Variants in ANK2 observed in about 807,000 individuals in gnomAD.
ANK2 encodes ankyrin-2.
In ANK2, 83 loss-of-function variants were observed where a neutral mutation model predicts 360.5. That is an observed-to-expected ratio of 0.23 (90% CI 0.19 to 0.28). ANK2 has a LOEUF of 0.28. Among genes scored for constraint, ANK2 ranks in the 10% least tolerant of loss-of-function variants. ANK2 has a pLI of 1.00. For missense variants in ANK2, 4,201 were observed against 4,795.7 expected, an observed-to-expected ratio of 0.88 and a Z score of 3.66; for synonymous variants, 1,740 against 1,759.5, an observed-to-expected ratio of 0.99 and a Z score of 0.28.
rs559369261 is a variant in ANK2 at position 112,923,587 on chromosome 4, C to CA, written c.21+19079dup. On this transcript the variant is annotated intron_variant, in intron 2 of 30. Transcript: ENST00000503271. Reference sequence around the variant, plus strand: ...TTGCAAATATGAATTAGATATTAAGCAAAAAATTCATGACTGCTCTAAAAT... The same window carrying CA: ...TTGCAAATATGAATTAGATATTAAGCAAAAAAATTCATGACTGCTCTAAAAT... Among the ~76,000 whole-genome samples, 200 of 151,962 alleles carry CA rather than the reference C, an allele frequency of 1.3e-3. 1 individual carries two copies. The highest frequency in any genetic ancestry group is 1.5e-3 in the Non-Finnish European group (103 of 67,928).
chr4:113,186,418 A>G (rs1466307033), intron 2 of ANK2, among the ~76,000 whole-genome samples: 2 of 152,228 alleles, frequency 1.3e-5, no homozygotes, highest in Non-Finnish European at 2.9e-5. Flanking sequence ...CAAAGACCAA[A>G]GGTAGGTAAA....
At chr4:112,806,596 G>A in the ANK2 span, among the ~76,000 whole-genome samples, 18 of 152,270 alleles carry the variant, frequency 1.2e-4, no homozygotes, top group Admixed American at 7.8e-4. Context: ...TTGGGAGGCT[G>A]AGGCAGGAGG....
At chr4:113,072,493 T>A (rs2154341239) in intron 1 of ANK2, among the ~76,000 whole-genome samples, 1 of 152,306 alleles carries the variant, frequency 6.6e-6, no homozygotes, top group South Asian at 2.1e-4. Context: ...GCCGGACTGG[T>A]CTTTGTGATG....
intron 1 of ANK2, among the ~76,000 whole-genome samples, chr4:113,164,393 C>T (rs1395093811): frequency 2.6e-5 from 4 of 152,158 alleles, no homozygotes; most frequent in Non-Finnish European, 4.4e-5. Context: ...AAATAGTCTC[C>T]GTAGTTTAAG....
At chr4:113,177,490 G>A (rs2098262461) in intron 2 of ANK2, among the ~76,000 whole-genome samples, 1 of 152,036 alleles carries the variant, frequency 6.6e-6, no homozygotes, top group Admixed American at 6.5e-5. Flanking sequence ...AGTTCATTTA[G>A]GTAAACTTAT....
intron 1 of ANK2, among the ~76,000 whole-genome samples, chr4:113,112,437 G>A (rs2094391745): frequency 6.6e-6 from 1 of 152,164 alleles, no homozygotes; most frequent in Non-Finnish European, 1.5e-5. Context: ...GAGACAGAAT[G>A]TGTATGGAAA....
chr4:113,283,251 G>A (rs2063101556), intron 18 of ANK2, among the ~76,000 whole-genome samples: 1 of 152,164 alleles, frequency 6.6e-6, no homozygotes, highest in African/African-American at 2.4e-5. Flanking sequence ...TATGTATAGA[G>A]AGAGAAAGAA....
chr4:112,912,046 G>A (rs917581240), intron 2 of ANK2, among the ~76,000 whole-genome samples: 48 of 151,756 alleles, frequency 3.2e-4, no homozygotes, highest in Non-Finnish European at 5.6e-4. Flanking sequence ...ACGTGGTGGC[G>A]GGCGCCTGTA....
the ANK2 span, among the ~76,000 whole-genome samples, chr4:112,730,245 T>A: frequency 1.4e-4 from 15 of 107,202 alleles, no homozygotes; most frequent in Non-Finnish European, 2.5e-4. Context: ...AGAGTGAGAC[T>A]CTGTCTCAAA....
rs561562938 is a variant in ANK2, at chr4:112,910,233, C to T, written c.21+5719C>T. Among the ~76,000 whole-genome samples the T allele has an allele frequency of 1.0e-3, 155 of 152,304 alleles. 4 individuals are homozygous for T. In the South Asian group the frequency reaches 0.031, roughly 30 times the overall value. Reference sequence around the variant, plus strand: ...TCCTCAGCGTGAATCTGGCCCGCTTCATTTTGCTTTCCTCAGCTGGGGCTG... The same window carrying T: ...TCCTCAGCGTGAATCTGGCCCGCTTTATTTTGCTTTCCTCAGCTGGGGCTG... On this transcript the variant is annotated intron_variant, in intron 2 of 30. Coordinates refer to the ANK2 transcript ENST00000503271.
Position 113,214,105 on chromosome 4 carries a change from G to T in ANK2, c.384+14996G>T, listed in dbSNP as rs1369417974. 2.6e-5 allele frequency: 20 copies of T among 774,034 alleles called. No individual in the cohort carries two copies. In the African/African-American group the frequency reaches 3.4e-4, roughly 13 times the overall value. The allele number at this position is 774,034 out of a possible 1,614,324, so 47.9% of individuals were successfully genotyped here. ...CCCGCAGGTCTAAATCGGGGTGGGG[G>T]TGTTCGGTCCTTGCGGGCTTCACGA... On this transcript the variant is annotated intron_variant, in intron 4 of 45. Transcript: ENST00000357077.
At chr4:112,794,496 AT>A in the ANK2 span, among the ~76,000 whole-genome samples, 2 of 152,228 alleles carry the variant, frequency 1.3e-5, no homozygotes, top group Non-Finnish European at 2.9e-5. Flanking sequence ...TGGAAAAGCA[AT>A]TTAGGTATGA....
chr4:113,131,266 A>G (rs313960), intron 1 of ANK2, among the ~76,000 whole-genome samples: 142,055 of 152,218 alleles, frequency 0.93, 66,422 homozygotes, highest in East Asian at 1. Flanking sequence ...CCTTCATCTC[A>G]AGCCTTGTTC....
At chr4:113,051,377 T>C in intron 1 of ANK2, among the ~76,000 whole-genome samples, 1 of 152,176 alleles carries the variant, frequency 6.6e-6, no homozygotes. Context: ...ATGATGATAC[T>C]AACTTCACAT....
At chr4:112,790,177 A>T in the ANK2 span, among the ~76,000 whole-genome samples, 1 of 152,216 alleles carries the variant, frequency 6.6e-6, no homozygotes, top group Non-Finnish European at 1.5e-5. Flanking sequence ...TGGAAAAAAG[A>T]GAATAAATAA....
chr4:113,246,750 G>C (rs896926590), intron 9 of ANK2, among the ~76,000 whole-genome samples: 1 of 152,068 alleles, frequency 6.6e-6, no homozygotes, highest in African/African-American at 2.4e-5. Flanking sequence ...TAACAATAAT[G>C]GTTTTCAATT....
At chr4:112,875,846 A>G (rs995685496) in intron 1 of ANK2, among the ~76,000 whole-genome samples, 2 of 151,778 alleles carry the variant, frequency 1.3e-5, no homozygotes, top group Non-Finnish European at 2.9e-5. Flanking sequence ...GGCTCAAGCA[A>G]TCTTCCCACT....
chr4:113,195,688 CTG>C (rs2098737111), intron 2 of ANK2, among the ~76,000 whole-genome samples: 1 of 152,206 alleles, frequency 6.6e-6, no homozygotes, highest in East Asian at 1.9e-4. Context: ...AGCCTTACTA[CTG>C]TGTCAGTTGA....
intron 3 of ANK2, among the ~76,000 whole-genome samples, chr4:113,196,677 G>A (rs1023177944): frequency 2.6e-5 from 4 of 151,792 alleles, no homozygotes; most frequent in South Asian, 4.2e-4. Flanking sequence ...ACAGGCGTGC[G>A]CCACCATGCC....
Sources: gnomAD v4.1 joint callset for allele counts (sites outside exome capture counted in the v4.1 genomes callset) on GRCh38, gnomAD v4.1.1 for gene constraint, MANE v1.5 for transcripts, NCBI Gene and HGNC (gene_info 2026-07-23, HGNC 2026-07-21) for gene names.